SOX6: variants seen among roughly 807,000 people sequenced by gnomAD.
The protein encoded by SOX6 is SRY-box transcription factor 6, also known as transcription factor SOX-6.
In SOX6, 11 loss-of-function variants were observed where a neutral mutation model predicts 97.8. That is an observed-to-expected ratio of 0.11 (90% CI 0.07 to 0.19). The LOEUF is 0.19. SOX6 is among the 10% of genes least tolerant of loss of function. The pLI, the probability that SOX6 is intolerant of heterozygous loss-of-function variation, is 1.00. For missense variants in SOX6, 810 were observed against 1,039.5 expected (o/e 0.78, Z 3.04); for synonymous variants, 360 against 371.4 (o/e 0.97, Z 0.35).
chr11:16,456,987 T>A (rs548889976), intron 1 of SOX6, among the ~76,000 whole-genome samples: 11 of 152,244 alleles, frequency 7.2e-5, no homozygotes, highest in Non-Finnish European at 1.5e-4. Context: ...CCTTATATTC[T>A]ATCTTGATGG....
intron 4 of SOX6, among the ~76,000 whole-genome samples, chr11:16,195,917 A>G (rs980472723): frequency 1.3e-5 from 2 of 152,178 alleles, no homozygotes; most frequent in East Asian, 3.9e-4. Flanking sequence ...GCCAAGAGAA[A>G]GGTATGTGGA....
chr11:16,356,298 G>C lies in SOX6; in HGVS notation c.-209C>G, dbSNP rs544003595. Among the ~76,000 whole-genome samples the C allele has an allele frequency of 6.6e-6, 1 of 150,658 alleles. No homozygotes were observed. Among genetic ancestry groups the C allele is most frequent in the South Asian group, 2.1e-4 (1 of 4,776 alleles). On this transcript the variant is annotated 5_prime_UTR_variant, in exon 1 of 16. Transcript: ENST00000683767. The stretch of plus-strand genomic sequence containing the variant: ...CTACCAATTGTAGCCATAACTTTAA[G>C]CAACATCTAATTTGCTAAACAAAAC...
intron 9 of SOX6, among the ~76,000 whole-genome samples, chr11:16,094,704 G>A (rs1848757999): frequency 6.6e-6 from 1 of 151,808 alleles, no homozygotes; most frequent in Non-Finnish European, 1.5e-5. Context: ...CAGAAATGTG[G>A]TACTCACTCT....
chr11:16,228,463 A>T (rs1852748722), intron 4 of SOX6, among the ~76,000 whole-genome samples: 1 of 152,090 alleles, frequency 6.6e-6, no homozygotes, highest in Non-Finnish European at 1.5e-5. Context: ...TTAAGGAGAG[A>T]TTTTCTATTT....
chr11:16,115,663 G>A (rs1407590232), intron 6 of SOX6, among the ~76,000 whole-genome samples: 2 of 152,186 alleles, frequency 1.3e-5, no homozygotes, highest in Admixed American at 1.3e-4. Context: ...AGGTTACAGT[G>A]TCATGACAGT....
intron 4 of SOX6, among the ~76,000 whole-genome samples, chr11:16,574,646 T>C (rs1847965981): frequency 1.3e-5 from 2 of 151,986 alleles, no homozygotes; most frequent in East Asian, 3.9e-4. Context: ...ATCAAAAGAT[T>C]CCATAAAGTG....
At chr11:16,516,259 T>G (rs1860969490) in intron 4 of SOX6, among the ~76,000 whole-genome samples, 1 of 152,024 alleles carries the variant, frequency 6.6e-6, no homozygotes, top group Admixed American at 6.6e-5. Context: ...GAAGAGGTCC[T>G]TCACATCCCT....
chr11:16,099,424 C>T (rs565665868), intron 7 of SOX6, among the ~76,000 whole-genome samples: 236 of 151,718 alleles, frequency 1.6e-3, no homozygotes, highest in Middle Eastern at 6.8e-3. Flanking sequence ...CAAAACGATG[C>T]TGAATTAATG....
intron 3 of SOX6, among the ~76,000 whole-genome samples, chr11:16,661,230 T>G (rs1473204769): frequency 6.6e-6 from 1 of 152,248 alleles, no homozygotes; most frequent in Non-Finnish European, 1.5e-5. Flanking sequence ...TTTCTTGTTC[T>G]GAAGTCTGCT....
In SOX6 at chr11:16,367,491, G is replaced by A. The variant is rs1503436; in HGVS notation, c.-4-26239C>T. ...AAGCGTAACCACATTTTCTCCCTTG[G>A]GGCTTAAAGGAAAGAACCTACTCCC... On this transcript the variant is annotated intron_variant, in intron 1 of 15. Coordinates refer to the SOX6 transcript ENST00000396356. Among the ~76,000 whole-genome samples the A allele has an allele frequency of 7.7e-4, 117 of 152,102 alleles. 1 individual carries two copies. The East Asian group carries it at 0.019, about 24-fold the overall frequency.
chr11:16,200,034 T>C (rs1287864835), intron 4 of SOX6, among the ~76,000 whole-genome samples: 1 of 152,208 alleles, frequency 6.6e-6, no homozygotes, highest in Non-Finnish European at 1.5e-5. Flanking sequence ...AATTCTTAAT[T>C]GCCCAAAGAA....
chr11:16,305,543 C>T (rs1855403211), intron 3 of SOX6, among the ~76,000 whole-genome samples: 1 of 152,144 alleles, frequency 6.6e-6, no homozygotes, highest in Non-Finnish European at 1.5e-5. Context: ...AGCAATTGTA[C>T]TCTTGGGTAC....
intron 3 of SOX6, among the ~76,000 whole-genome samples, chr11:16,275,664 T>C (rs572427379): frequency 6.6e-6 from 1 of 152,168 alleles, no homozygotes; most frequent in Non-Finnish European, 1.5e-5. Flanking sequence ...TTTTAGAGAA[T>C]AGGACATTTC....
At chr11:16,413,734 T>C (rs1858870922) in intron 1 of SOX6, among the ~76,000 whole-genome samples, 1 of 151,904 alleles carries the variant, frequency 6.6e-6, no homozygotes, top group South Asian at 2.1e-4. Flanking sequence ...TTCTCCAGGC[T>C]GGTCTCAAAC....
At chr11:16,254,001 T>C (rs969209230) in intron 3 of SOX6, among the ~76,000 whole-genome samples, 13 of 151,836 alleles carry the variant, frequency 8.6e-5, no homozygotes, top group African/African-American at 3.1e-4. Context: ...GGAAAACACT[T>C]AACCTATAGA....
intron 9 of SOX6, among the ~76,000 whole-genome samples, chr11:16,063,417 C>G (rs1366864619): frequency 6.9e-6 from 1 of 145,984 alleles, no homozygotes; most frequent in Non-Finnish European, 1.5e-5. Flanking sequence ...AAAAGAGAAG[C>G]ATGCTTTGTC....
At chr11:16,065,787 C>G (rs1848080606) in intron 9 of SOX6, among the ~76,000 whole-genome samples, 1 of 152,034 alleles carries the variant, frequency 6.6e-6, no homozygotes, top group Admixed American at 6.6e-5. Context: ...AATTCTTAGA[C>G]AAGACCTCAA....
chr11:16,719,540 G>A (rs1390791759), intron 2 of SOX6, among the ~76,000 whole-genome samples: 1 of 152,114 alleles, frequency 6.6e-6, no homozygotes, highest in Non-Finnish European at 1.5e-5. Flanking sequence ...GCTTTCTTAT[G>A]TATCACCTAG....
intron 2 of SOX6, among the ~76,000 whole-genome samples, chr11:16,718,220 G>GCTT (rs1421956189): frequency 6.7e-6 from 1 of 149,790 alleles, no homozygotes; most frequent in Non-Finnish European, 1.5e-5. Context: ...CTCCATGCAG[G>GCTT]CTTCTTTTTC....
Sources: allele counts gnomAD v4.1 joint callset (sites outside exome capture counted in the v4.1 genomes callset), GRCh38; gene constraint gnomAD v4.1.1; transcripts MANE v1.5; gene names NCBI Gene and HGNC (gene_info 2026-07-23, HGNC 2026-07-21).